Variants in ZRANB3 observed in about 807,000 individuals in gnomAD.
ZRANB3 encodes the protein DNA annealing helicase and endonuclease ZRANB3.
ZRANB3 carries 125 observed loss-of-function variants against 133.8 expected under a neutral mutation model. The ratio of observed to expected loss-of-function variants is 0.93; its 90% CI spans 0.81 to 1.08. The LOEUF is 1.08. Ranked by LOEUF, ZRANB3 falls within the 50% of genes least tolerant of loss-of-function variation. The pLI, the probability that ZRANB3 is intolerant of heterozygous loss-of-function variation, is 0.00. For synonymous variants in ZRANB3, 387 were observed against 432.7 expected, an observed-to-expected ratio of 0.89 and a Z score of 1.31; for missense variants, 1,229 against 1,275.5, an observed-to-expected ratio of 0.96 and a Z score of 0.56.
chr2:135,208,566 G>C (rs1174305706), intron 18 of ZRANB3, among the ~76,000 whole-genome samples: 5 of 152,222 alleles, frequency 3.3e-5, no homozygotes, highest in Non-Finnish European at 7.3e-5. Context: ...TAATTATGGA[G>C]CTCAAGATTC....
At chr2:135,369,491 G>T (rs1035039197) in intron 3 of ZRANB3, among the ~76,000 whole-genome samples, 2 of 152,100 alleles carry the variant, frequency 1.3e-5, no homozygotes, top group Non-Finnish European at 2.9e-5. Context: ...TTAGATAAAG[G>T]TTAAGAGAAA....
In ZRANB3 at chr2:135,511,594, T is replaced by G. The variant is rs1231638987; in HGVS notation, c.-7-7098A>C. On this transcript the variant is annotated intron_variant, in intron 1 of 20. Transcript: ENST00000264159. ...ATAGAACTGATTTGCAACAGACCCCTCAGGAGCAAGTACGAACATCTGCAT... is the reference window on the plus strand; with the variant it reads ...ATAGAACTGATTTGCAACAGACCCCGCAGGAGCAAGTACGAACATCTGCAT... 3 of 853,936 alleles carry G rather than the reference T, an allele frequency of 3.5e-6. No individual in the cohort carries two copies. The East Asian group carries it at 7.3e-5, about 21-fold the overall frequency. The allele number at this position is 853,936 out of a possible 1,614,324, so 52.9% of individuals were successfully genotyped here.
At chr2:135,252,740 A>G (rs1679463626) in intron 12 of ZRANB3, among the ~76,000 whole-genome samples, 1 of 152,174 alleles carries the variant, frequency 6.6e-6, no homozygotes, top group Admixed American at 6.5e-5. Flanking sequence ...AATTAACTAT[A>G]AAGTCCTCTG....
At chr2:135,295,302 TG>T (rs1682000783) in intron 8 of ZRANB3, among the ~76,000 whole-genome samples, 1 of 152,216 alleles carries the variant, frequency 6.6e-6, no homozygotes, top group Admixed American at 6.5e-5. Context: ...TAGCTCTTCT[TG>T]TTGAATTGAT....
At chr2:135,365,446 T>C (rs1442669566) in intron 3 of ZRANB3, among the ~76,000 whole-genome samples, 1 of 152,180 alleles carries the variant, frequency 6.6e-6, no homozygotes, top group Non-Finnish European at 1.5e-5. Context: ...TATATAAGGC[T>C]CAATGATCAA....
At chr2:135,259,570 C>G (rs1455352223) in intron 12 of ZRANB3, among the ~76,000 whole-genome samples, 1 of 152,152 alleles carries the variant, frequency 6.6e-6, no homozygotes, top group Admixed American at 6.5e-5. Context: ...AGGCATGTGC[C>G]ACCACGCCCG....
Position 135,389,876 on chromosome 2 carries a change from C to CTTT in ZRANB3, c.180+923_180+925dup, listed in dbSNP as rs1165827390. Among the ~76,000 whole-genome samples, 477 of 102,326 alleles carry CTTT rather than the reference C, an allele frequency of 4.7e-3. 3 individuals are homozygous for CTTT. Among genetic ancestry groups the CTTT allele is most frequent in the African/African-American group, 7.9e-3 (191 of 24,330 alleles). 67.1% of individuals were successfully genotyped at this position (102,326 alleles called of 152,430 possible). On this transcript the variant is annotated intron_variant, in intron 3 of 20. Transcript: ENST00000264159. ...GAAAAGTGTATGTTTTGCTGTTATT[C>CTTT]TTTTTTTTTTTTTTTTTTTTTTGAG...
rs375897584 is a variant in ZRANB3, at chr2:135,292,577, C to T, written c.967-16822G>A. ...TCACTCTGATGGTAGTTTCTTTTGC[C>T]GTGCAGAAGCTCTTTAGTTTAATTA... On this transcript the variant is annotated intron_variant, in intron 8 of 20. Transcript: ENST00000264159. 7.9e-3 allele frequency among the ~76,000 whole-genome samples: 1,203 copies of T among 152,114 alleles called. 11 individuals carry two copies. Among genetic ancestry groups the T allele is most frequent in the African/African-American group, 0.025 (1,034 of 41,514 alleles).
intron 3 of ZRANB3, among the ~76,000 whole-genome samples, chr2:135,378,515 G>A (rs956721971): frequency 1.5e-4 from 23 of 151,092 alleles, no homozygotes; most frequent in African/African-American, 5.3e-4. Flanking sequence ...AAACAAAAAC[G>A]TAAAACACAA....
chr2:135,416,934 C>T (rs548395868), intron 2 of ZRANB3, among the ~76,000 whole-genome samples: 1 of 152,208 alleles, frequency 6.6e-6, no homozygotes, highest in Admixed American at 6.5e-5. Context: ...GGATCCCTTC[C>T]TTACACCTTA....
rs527327989 is a variant in ZRANB3, at chr2:135,227,828, T to A, written c.2142A>T (p.Thr714=). The A allele has an allele frequency of 6.4e-7, 1 of 1,574,480 alleles. No homozygotes were observed. The highest frequency in any genetic ancestry group is 8.6e-7 in the Non-Finnish European group (1 of 1,158,000). The change falls in exon 14 of 21, where the codon ACA becomes ACT. Residue 714 remains threonine, a synonymous_variant. Coordinates refer to ENST00000264159, the MANE Select transcript of ZRANB3 (RefSeq NM_032143.4). ...TPKIEKEDGL[T]SQPGNEQWKS... ...AAGACTTACCATTACCTGGCTGGGA[T>A]GTAAGTCCGTCTTCTTTCTCAATTT...
At chr2:135,399,313 G>T (rs1386801068) in intron 2 of ZRANB3, among the ~76,000 whole-genome samples, 1 of 152,168 alleles carries the variant, frequency 6.6e-6, no homozygotes, top group Non-Finnish European at 1.5e-5. Flanking sequence ...GAAATACAGT[G>T]TTTTAAAACT....
At chr2:135,252,831 G>A (rs1258594719) in intron 12 of ZRANB3, among the ~76,000 whole-genome samples, 2 of 152,202 alleles carry the variant, frequency 1.3e-5, no homozygotes, top group South Asian at 2.1e-4. Flanking sequence ...CCTGCATGCT[G>A]TTGGCTGTGG....
At position 135,207,771 on chromosome 2, in the gene ZRANB3, G is replaced by C; in HGVS notation, c.2672C>G (p.Thr891Ser). The change falls in exon 19 of 21, where the codon ACT becomes AGT. Residue 891 changes from threonine (T) to serine (S), a missense_variant. Coordinates refer to ENST00000264159, the MANE Select transcript of ZRANB3 (RefSeq NM_032143.4). Reference sequence around the variant, plus strand: ...GCCTTTGGATGTAGAGGGCTTCACAGTGAGATCTGCCTGGACTGTGTATGG... The same window carrying C: ...GCCTTTGGATGTAGAGGGCTTCACACTGAGATCTGCCTGGACTGTGTATGG... ...LNPYTVQADL[T>S]VKPSTSKGYL... The C allele has an allele frequency of 1.9e-6, 3 of 1,613,968 alleles. No homozygotes were observed. Among genetic ancestry groups the C allele is most frequent in the Non-Finnish European group, 2.5e-6 (3 of 1,179,840 alleles).
chr2:135,497,926 AC>A (rs1451206965), intron 2 of ZRANB3, among the ~76,000 whole-genome samples: 5 of 151,868 alleles, frequency 3.3e-5, no homozygotes, highest in African/African-American at 9.7e-5. Flanking sequence ...GGTGGTGTGC[AC>A]CTGTAGTCCC....
chr2:135,381,367 C>T (rs556416470), intron 3 of ZRANB3, among the ~76,000 whole-genome samples: 17 of 152,284 alleles, frequency 1.1e-4, no homozygotes, highest in East Asian at 7.7e-4. Flanking sequence ...TCGAACAGGG[C>T]GGAGCCCACG....
intron 2 of ZRANB3, among the ~76,000 whole-genome samples, chr2:135,450,903 A>AT (rs1351521444): frequency 6.6e-6 from 1 of 152,218 alleles, no homozygotes; most frequent in Non-Finnish European, 1.5e-5. Flanking sequence ...ACATCCAAAC[A>AT]TCCCTTCAAG....
intron 1 of ZRANB3, chr2:135,512,060 C>CAACT: frequency 2.0e-6 from 1 of 496,522 alleles, no homozygotes; most frequent in Non-Finnish European, 3.7e-6. Flanking sequence ...ACCCCTCATG[C>CAACT]AACTGTGTCC....
At chr2:135,330,749 G>T (rs1206552876) in intron 6 of ZRANB3, among the ~76,000 whole-genome samples, 1 of 152,076 alleles carries the variant, frequency 6.6e-6, no homozygotes, top group Non-Finnish European at 1.5e-5. Context: ...TCTATTCAGA[G>T]ATTCAACTTC....
Sources: gnomAD v4.1 joint callset for allele counts (sites outside exome capture counted in the v4.1 genomes callset) on GRCh38, gnomAD v4.1.1 for gene constraint, MANE v1.5 for transcripts, NCBI Gene and HGNC (gene_info 2026-07-23, HGNC 2026-07-21) for gene names.